The following HMGCS2 variants were observed in gnomAD, a reference collection of about 807,000 sequenced individuals.
HMGCS2 encodes 3-hydroxy-3-methylglutaryl-CoA synthase 2, also known as hydroxymethylglutaryl-CoA synthase, mitochondrial.
HMGCS2 carries 50 observed loss-of-function variants against 57.4 expected under a neutral mutation model. The observed-to-expected ratio is 0.87, with a 90% CI of 0.69 to 1.10. HMGCS2 has a LOEUF of 1.10. HMGCS2 is among the 50% of genes least tolerant of loss of function. The pLI is 0.00. For synonymous variants in HMGCS2, 254 were observed against 245.1 expected, an observed-to-expected ratio of 1.04 and a Z score of -0.34; for missense variants, 627 against 636.5, an observed-to-expected ratio of 0.99 and a Z score of 0.16.
intron 2 of HMGCS2, among the ~76,000 whole-genome samples, chr1:119,762,354 T>C: frequency 7.6e-6 from 1 of 131,078 alleles, no homozygotes; most frequent in African/African-American, 2.6e-5. Flanking sequence ...TTTTGGGAAG[T>C]GGTAACAGGT....
chr1:119,758,872 C>T (rs1368715373), intron 4 of HMGCS2, among the ~76,000 whole-genome samples: 2 of 152,210 alleles, frequency 1.3e-5, no homozygotes. Context: ...ACACTGGGGG[C>T]CTTGCCCTGG....
intron 3 of HMGCS2, 92 bp downstream of exon 3, chr1:119,759,772 C>T: frequency 2.0e-6 from 3 of 1,491,388 alleles, no homozygotes; most frequent in Non-Finnish European, 2.8e-6. Context: ...ACGCATACCT[C>T]AGCCCTGAGT....
rs757083410 is a variant in HMGCS2 at position 119,768,826 on chromosome 1, G to C, written c.19C>G (p.Pro7Ala). ...GTCAGTTGCAGAATGCGCTTCACTG[G>C]AGTCAACAGACGCTGCATCTCCAGA... is the stretch of plus-strand genomic sequence containing the variant. MQRLLT[P>A]VKRILQLTRA... Residue 7 changes from proline to alanine, a missense_variant, in exon 1 of 10, where the codon CCA (proline) becomes GCA (alanine). By Grantham distance (27) the Pro-to-Ala change is conservative (BLOSUM62 -1). Transcript: ENST00000369406. 1 of 1,613,834 alleles carries C rather than the reference G, an allele frequency of 6.2e-7. No homozygotes were observed. Among genetic ancestry groups the C allele is most frequent in the East Asian group, 2.2e-5 (1 of 44,876 alleles).
In HMGCS2 at chr1:119,768,765, C is replaced by CGAGCAGGT; in HGVS notation, c.72_79dup (p.Arg27HisfsTer8). ...CCTTTGGTGGGCTACTGGGAGCAGGCGAGCAGGTGTGAGGGAGGTTTCCTG... is the reference window on the plus strand; with the variant it reads ...CCTTTGGTGGGCTACTGGGAGCAGGCGAGCAGGTGAGCAGGTGTGAGGGAGGTTTCCTG... On this transcript the variant is annotated frameshift_variant, in exon 1 of 10. Coordinates refer to ENST00000369406, the MANE Select transcript of HMGCS2 (RefSeq NM_005518.4). LOFTEE classifies it high-confidence loss of function. The CGAGCAGGT allele has an allele frequency of 6.2e-7, 1 of 1,613,708 alleles. No homozygotes were observed. Among genetic ancestry groups the CGAGCAGGT allele is most frequent in the South Asian group, 1.1e-5 (1 of 91,060 alleles).
chr1:119,768,623 T>C lies in HMGCS2; in HGVS notation c.104+118A>G, dbSNP rs1653318148. ...ACCCTTTAAAGTTAACTTGCTTGTCTAAGGCTGCTGTGCACAAGCCTTGCC... is the reference window on the plus strand; with the variant it reads ...ACCCTTTAAAGTTAACTTGCTTGTCCAAGGCTGCTGTGCACAAGCCTTGCC... On this transcript the variant is annotated intron_variant, in intron 1 of 9. Transcript: ENST00000369406. 4.0e-6 allele frequency: 3 copies of C among 748,136 alleles called. No homozygotes were observed. In the African/African-American group the frequency reaches 5.1e-5, roughly 13 times the overall value. 46.3% of individuals were successfully genotyped at this position (748,136 alleles called of 1,614,324 possible).
chr1:119,761,609 C>CA (rs1272423954), intron 2 of HMGCS2, among the ~76,000 whole-genome samples: 1 of 151,818 alleles, frequency 6.6e-6, no homozygotes, highest in East Asian at 1.9e-4. Flanking sequence ...ACTAAAAATA[C>CA]AAAAAATGAG....
chr1:119,749,481 C>G (rs760195170), intron 9 of HMGCS2, among the ~76,000 whole-genome samples: 14 of 151,184 alleles, frequency 9.3e-5, no homozygotes, highest in Non-Finnish European at 1.5e-4. Context: ...CTGACCTGCC[C>G]TTAAGAACCG....
chr1:119,750,774 C>T (rs748621820), intron 9 of HMGCS2, 23 bp downstream of exon 9: 2 of 1,494,358 alleles, frequency 1.3e-6, no homozygotes, highest in Non-Finnish European at 1.9e-6. Flanking sequence ...TTTATGCCAC[C>T]AACTCTGCAA....
intron 1 of HMGCS2, among the ~76,000 whole-genome samples, chr1:119,768,297 G>A (rs187879482): frequency 6.6e-6 from 1 of 152,286 alleles, no homozygotes; most frequent in East Asian, 1.9e-4. Flanking sequence ...TGGAACACAA[G>A]GCAAACACAG....
At chr1:119,753,193 T>G in intron 7 of HMGCS2, 87 bp downstream of exon 7, 1 of 805,190 alleles carries the variant, frequency 1.2e-6, no homozygotes, top group South Asian at 1.4e-5. Context: ...TCTGTCAAGA[T>G]GGCAGCCTCA....
intron 2 of HMGCS2, among the ~76,000 whole-genome samples, chr1:119,763,796 C>T (rs1653119992): frequency 6.6e-6 from 1 of 152,166 alleles, no homozygotes; most frequent in South Asian, 2.1e-4. Flanking sequence ...TCACCAATCT[C>T]TCAGAGACTT....
In HMGCS2 at chr1:119,753,261, C is replaced by T; in HGVS notation, c.1294+19G>A. On this transcript the variant is annotated intron_variant, in intron 7 of 9. Coordinates refer to ENST00000369406, the MANE Select transcript of HMGCS2 (RefSeq NM_005518.4). ...AGATGAATCTTGTCAGGAAGGCCTA[C>T]TAGAAAGATGACACTCACCTGGAGC... 4 of 1,487,020 alleles carry T rather than the reference C, an allele frequency of 2.7e-6. No homozygotes were observed. The highest frequency in any genetic ancestry group is 3.8e-6 in the Non-Finnish European group (4 of 1,064,782). The allele number at this position is 1,487,020 out of a possible 1,614,324, so 92.1% of individuals were successfully genotyped here. A position where few individuals can be genotyped will look rare whatever the true frequency, so the allele number is the denominator to read the frequency against.
chr1:119,760,022 T>C lies in HMGCS2; in HGVS notation c.560-33A>G. Reference sequence around the variant, plus strand: ...GAGAAACAAGAAATATTTACCATCATTACCAAATCTAGAGTAGACTGAGTG... The same window carrying C: ...GAGAAACAAGAAATATTTACCATCACTACCAAATCTAGAGTAGACTGAGTG... On this transcript the variant is annotated intron_variant, in intron 2 of 9. Transcript: ENST00000369406. 4 of 1,607,996 alleles carry C rather than the reference T, an allele frequency of 2.5e-6. No individual in the cohort carries two copies. In the South Asian group the frequency reaches 4.4e-5, roughly 18 times the overall value.
intron 1 of HMGCS2, among the ~76,000 whole-genome samples, chr1:119,767,126 G>A (rs1463465230): frequency 6.6e-6 from 1 of 152,138 alleles, no homozygotes; most frequent in Non-Finnish European, 1.5e-5. Flanking sequence ...AAAGGGGTTG[G>A]ACAAAGAAAA....
chr1:119,765,384 G>A (rs755805124), intron 1 of HMGCS2, among the ~76,000 whole-genome samples: 6 of 152,164 alleles, frequency 3.9e-5, no homozygotes, highest in African/African-American at 7.2e-5. Flanking sequence ...GAGCCACCAC[G>A]CCCAGCCGGA....
At chr1:119,768,705 T>C in intron 1 of HMGCS2, 36 bp downstream of exon 1, 1 of 1,441,202 alleles carries the variant, frequency 6.9e-7, no homozygotes, top group Non-Finnish European at 9.8e-7. Flanking sequence ...AACTATCTTT[T>C]ACTAGTTACA....
intron 2 of HMGCS2, among the ~76,000 whole-genome samples, chr1:119,763,894 T>C (rs1199574370): frequency 6.6e-6 from 1 of 152,238 alleles, no homozygotes; most frequent in African/African-American, 2.4e-5. Flanking sequence ...TCACTATGTG[T>C]AAGCTATCAG....
At chr1:119,759,379 A>G in intron 3 of HMGCS2, 97 bp from the exon 4 acceptor site, 1 of 1,232,232 alleles carries the variant, frequency 8.1e-7, no homozygotes. Flanking sequence ...TCTGGTCATT[A>G]TCTGTGTCCC....
At position 119,757,125 on chromosome 1, in the gene HMGCS2, G is replaced by A. The variant is rs587689400; in HGVS notation, c.1016+148C>T. 36 of 1,307,206 alleles carry A rather than the reference G, an allele frequency of 2.8e-5. No homozygotes were observed. In the South Asian group the frequency reaches 3.2e-4, roughly 12 times the overall value. The allele number at this position is 1,307,206 out of a possible 1,614,324, so 81.0% of individuals were successfully genotyped here. Reference sequence around the variant, plus strand: ...TACCCAGACAATAACCCACTACCCCGTGGAAGGACCTGGGATTGTTCCTGT... The same window carrying A: ...TACCCAGACAATAACCCACTACCCCATGGAAGGACCTGGGATTGTTCCTGT... On this transcript the variant is annotated intron_variant, in intron 5 of 9. Coordinates refer to ENST00000369406, the MANE Select transcript of HMGCS2 (RefSeq NM_005518.4).
Sources: gnomAD v4.1 joint callset for allele counts (sites outside exome capture counted in the v4.1 genomes callset) on GRCh38, gnomAD v4.1.1 for gene constraint, MANE v1.5 for transcripts, NCBI Gene and HGNC (gene_info 2026-07-23, HGNC 2026-07-21) for gene names.